The following RBFOX1 variants were observed in gnomAD, a reference collection of about 807,000 sequenced individuals.
RBFOX1 encodes RNA binding protein fox-1 homolog 1.
A neutral mutation model predicts 57.7 loss-of-function variants in RBFOX1; 8 were observed. The observed-to-expected ratio is 0.14, with a 90% CI of 0.08 to 0.25. RBFOX1 has a LOEUF of 0.25. Among genes scored for constraint, RBFOX1 ranks in the 10% least tolerant of loss-of-function variants. The pLI is 1.00. For synonymous variants in RBFOX1, 326 were observed against 222.4 expected, an observed-to-expected ratio of 1.47 and a Z score of -4.15; for missense variants, 611 against 548.5, an observed-to-expected ratio of 1.11 and a Z score of -1.14.
intron 3 of RBFOX1, among the ~76,000 whole-genome samples, chr16:7,031,172 C>T (rs1232155275): frequency 1.3e-5 from 2 of 152,150 alleles, no homozygotes; most frequent in Admixed American, 1.3e-4. Flanking sequence ...TGTAGAGAGT[C>T]AGCAATGCCT....
chr16:5,564,779 G>A (rs2046007096), intron 2 of RBFOX1, among the ~76,000 whole-genome samples: 1 of 152,084 alleles, frequency 6.6e-6, no homozygotes, highest in African/African-American at 2.4e-5. Context: ...TCTAGGCAGT[G>A]GGTCCTAGAA....
chr16:6,589,422 G>A (rs1175495607), intron 2 of RBFOX1, among the ~76,000 whole-genome samples: 1 of 152,202 alleles, frequency 6.6e-6, no homozygotes, highest in African/African-American at 2.4e-5. Context: ...GGGTCAGAAA[G>A]TGGAAGTGCT....
chr16:6,635,866 C>G (rs1319682552), intron 2 of RBFOX1, among the ~76,000 whole-genome samples: 1 of 152,070 alleles, frequency 6.6e-6, no homozygotes, highest in South Asian at 2.1e-4. Flanking sequence ...TCAAAATGTT[C>G]GAGACCAGAG....
chr16:7,298,026 G>T (rs1402618741), intron 4 of RBFOX1, among the ~76,000 whole-genome samples: 1 of 152,060 alleles, frequency 6.6e-6, no homozygotes, highest in Non-Finnish European at 1.5e-5. Flanking sequence ...GTTTGTTTTG[G>T]TTTGATTTTT....
chr16:7,102,296 G>C (rs1025350071), intron 4 of RBFOX1, among the ~76,000 whole-genome samples: 1 of 152,166 alleles, frequency 6.6e-6, no homozygotes, highest in African/African-American at 2.4e-5. Context: ...TCTATCCATA[G>C]ACTATTGGAT....
downstream of RBFOX1, among the ~76,000 whole-genome samples, chr16:5,603,707 G>A (rs1302250443): frequency 6.6e-6 from 1 of 152,212 alleles, no homozygotes; most frequent in African/African-American, 2.4e-5. Context: ...AGGTGGCATG[G>A]TGGATGAATG....
intron 5 of RBFOX1, among the ~76,000 whole-genome samples, chr16:7,530,079 G>C (rs1267053883): frequency 6.6e-6 from 1 of 150,470 alleles, no homozygotes; most frequent in Non-Finnish European, 1.5e-5. Context: ...GTTCATAAAA[G>C]AGACAGCTTG....
chr16:5,243,538 C>G (rs142386607), intron 1 of RBFOX1, among the ~76,000 whole-genome samples: 5 of 152,148 alleles, frequency 3.3e-5, no homozygotes, highest in African/African-American at 1.2e-4. Context: ...GGATGGTTAG[C>G]GGCATCTGTG....
At position 7,392,982 on chromosome 16, in the gene RBFOX1, T is replaced by C. The variant is rs569789907; in HGVS notation, c.28-125165T>C. ...TCCGCCTCCCAGGTTCCAGTGATTT[T>C]CCTGCTTCAGCCTCCCGTATAGCTG... On this transcript the variant is annotated intron_variant, in intron 4 of 15. Transcript: ENST00000550418. Among the ~76,000 whole-genome samples the C allele has an allele frequency of 2.0e-5, 3 of 152,250 alleles. No individual in the cohort carries two copies. The East Asian group carries it at 5.8e-4, about 30-fold the overall frequency.
intron 5 of RBFOX1, among the ~76,000 whole-genome samples, chr16:7,520,094 C>T (rs2152231892): frequency 6.6e-6 from 1 of 152,166 alleles, no homozygotes; most frequent in Non-Finnish European, 1.5e-5. Context: ...ACTGTGTTAT[C>T]CAGGATGATC....
intron 4 of RBFOX1, among the ~76,000 whole-genome samples, chr16:5,908,068 A>ATG (rs527468172): frequency 9.4e-6 from 1 of 106,604 alleles, no homozygotes; most frequent in Non-Finnish European, 1.9e-5. Flanking sequence ...GTATGTGTGT[A>ATG]TGTATATATA....
intron 4 of RBFOX1, among the ~76,000 whole-genome samples, chr16:7,392,022 A>T (rs973921010): frequency 1.3e-5 from 2 of 152,168 alleles, no homozygotes; most frequent in East Asian, 3.9e-4. Context: ...TGCCTTTTGC[A>T]ATCTCATTTC....
chr16:6,448,811 C>T (rs2094536999), intron 2 of RBFOX1, among the ~76,000 whole-genome samples: 1 of 152,166 alleles, frequency 6.6e-6, no homozygotes, highest in Non-Finnish European at 1.5e-5. Flanking sequence ...AAACATTTTC[C>T]AAATGTAAGG....
intron 4 of RBFOX1, among the ~76,000 whole-genome samples, chr16:5,954,979 C>G (rs918366013): frequency 4.6e-5 from 7 of 151,634 alleles, no homozygotes; most frequent in Admixed American, 4.6e-4. Context: ...AGGCAGCAGC[C>G]TAAGAAAGTC....
intron 3 of RBFOX1, among the ~76,000 whole-genome samples, chr16:6,891,303 T>C (rs1459959971): frequency 2.0e-5 from 3 of 152,176 alleles, no homozygotes; most frequent in Admixed American, 6.5e-5. Context: ...GGCAGTATTA[T>C]CTCTAAAGAG....
At chr16:5,913,014 C>G (rs1186547127) in intron 4 of RBFOX1, among the ~76,000 whole-genome samples, 1 of 152,122 alleles carries the variant, frequency 6.6e-6, no homozygotes, top group Non-Finnish European at 1.5e-5. Context: ...GGTCAGAAGA[C>G]CCAAGTCTAA....
intron 1 of RBFOX1, among the ~76,000 whole-genome samples, chr16:6,225,379 G>T (rs1384632782): frequency 6.6e-6 from 1 of 152,122 alleles, no homozygotes; most frequent in African/African-American, 2.4e-5. Context: ...TGGGAACAGA[G>T]AGAACTTGGT....
intron 2 of RBFOX1, among the ~76,000 whole-genome samples, chr16:6,624,483 A>T (rs548209487): frequency 6.6e-6 from 1 of 152,228 alleles, no homozygotes; most frequent in East Asian, 1.9e-4. Context: ...CTCACAAGGT[A>T]ATCTACCTAA....
At chr16:7,003,808 C>G (rs566128334) in intron 3 of RBFOX1, among the ~76,000 whole-genome samples, 2 of 152,094 alleles carry the variant, frequency 1.3e-5, no homozygotes, top group Admixed American at 6.6e-5. Context: ...GACTAAAGGA[C>G]AATTCCTTGT....
Sources: gnomAD v4.1 joint callset for allele counts (sites outside exome capture counted in the v4.1 genomes callset) on GRCh38, gnomAD v4.1.1 for gene constraint, MANE v1.5 for transcripts, NCBI Gene and HGNC (gene_info 2026-07-23, HGNC 2026-07-21) for gene names.